The following CFAP74 variants were observed in gnomAD, a reference collection of about 807,000 sequenced individuals.
CFAP74 encodes the protein cilia and flagella associated protein 74, also known as cilia- and flagella-associated protein 74.
Under a neutral mutation model 188.9 loss-of-function variants are expected in CFAP74, and 124 were observed. The ratio of observed to expected loss-of-function variants is 0.66; its 90% CI spans 0.57 to 0.76. CFAP74 has a LOEUF of 0.76. Ranked by LOEUF, CFAP74 falls within the 30% of genes least tolerant of loss-of-function variation. The probability of loss-of-function intolerance (pLI) is 0.00; values close to 1 mark genes in which losing one functional copy is unlikely to be tolerated. For synonymous variants in CFAP74, 956 were observed against 916.7 expected (o/e 1.04, Z -0.77); for missense variants, 2,198 against 2,165.2 (o/e 1.02, Z -0.30).
At chr1:1,971,232 T>C (rs1364638356) in intron 9 of CFAP74, among the ~76,000 whole-genome samples, 2 of 141,918 alleles carry the variant, frequency 1.4e-5, no homozygotes, top group African/African-American at 5.5e-5. Flanking sequence ...CGTGCACGCC[T>C]GCACACACAT....
Position 1,924,020 on chromosome 1 carries a change from C to T in CFAP74, c.4235-91G>A, listed in dbSNP as rs1651614231. Reference sequence around the variant, plus strand: ...TGCTGCATAGAGCTCTACACCCTGCCCGCCCCCCTGCAGAGCCCCTGTCCT... The same window carrying T: ...TGCTGCATAGAGCTCTACACCCTGCTCGCCCCCCTGCAGAGCCCCTGTCCT... On this transcript the variant is annotated intron_variant, in intron 34 of 38. Coordinates refer to ENST00000682832, the MANE Select transcript of CFAP74 (RefSeq NM_001304360.2). 8.9e-6 allele frequency: 12 copies of T among 1,346,008 alleles called. No homozygotes were observed. In the South Asian group the frequency reaches 1.1e-4, roughly 13 times the overall value. 83.4% of individuals were successfully genotyped at this position (1,346,008 alleles called of 1,614,324 possible).
intron 1 of CFAP74, among the ~76,000 whole-genome samples, chr1:1,995,829 AC>A (rs1657888273): frequency 6.6e-6 from 1 of 151,508 alleles, no homozygotes; most frequent in South Asian, 2.1e-4. Flanking sequence ...AATGGCATGA[AC>A]CCGGGAGGCG....
At chr1:1,992,235 G>GT (rs1224206752) in intron 1 of CFAP74, among the ~76,000 whole-genome samples, 3 of 152,050 alleles carry the variant, frequency 2.0e-5, no homozygotes, top group African/African-American at 7.2e-5. Context: ...CACAATCACA[G>GT]TTTACTACAG....
chr1:1,950,000 A>C (rs1327271061), intron 18 of CFAP74, among the ~76,000 whole-genome samples: 1 of 151,844 alleles, frequency 6.6e-6, no homozygotes, highest in Non-Finnish European at 1.5e-5. Context: ...TTTTTGCGGG[A>C]ATTTAAGTTT....
chr1:1,968,818 C>T lies in CFAP74; in HGVS notation c.1062G>A (p.Glu354=). 6.2e-7 allele frequency: 1 copy of T among 1,614,018 alleles called. No individual in the cohort carries two copies. The highest frequency in any genetic ancestry group is 8.5e-7 in the Non-Finnish European group (1 of 1,179,934). The part of the protein sequence containing the change: ...LEAQKRAFEE[E]QKLRKQEIIS... Reference sequence around the variant, plus strand: ...TGATCTCCTGCTTTCTGAGCTTCTGCTCCTCCTCAAAGGCCCTGCGTGGAG... The same window carrying T: ...TGATCTCCTGCTTTCTGAGCTTCTGTTCCTCCTCAAAGGCCCTGCGTGGAG... Residue 354 remains glutamate, a synonymous_variant, in exon 11 of 39, where the codon GAG becomes GAA. Transcript: ENST00000682832. This position sits in a 1 kb window ranked among gnomAD's most constrained non-coding sequence, Gnocchi z 4.3.
chr1:1,964,888 C>A lies in CFAP74; in HGVS notation c.1575G>T (p.Gln525His), dbSNP rs1191732571. The A allele has an allele frequency of 3.1e-6, 5 of 1,613,468 alleles. No individual in the cohort carries two copies. In the South Asian group the frequency reaches 5.5e-5, roughly 18 times the overall value. Residue 525 changes from glutamine to histidine, a missense_variant and splice_region_variant, in exon 13 of 39, where the codon CAG becomes CAT. Physicochemically the swap from Gln to His is conservative, Grantham distance 24. Transcript: ENST00000682832. ...GTTCCTGGCCCAGCTGCGGGCTCAC[C>A]TGGAAGTGGAGGAGCTCCGGTTTGC... ...FNSKPELLHFQDFDIGKVYKK... is the reference protein window; with the variant it reads ...FNSKPELLHFHDFDIGKVYKK...
intron 18 of CFAP74, among the ~76,000 whole-genome samples, chr1:1,952,991 T>G (rs1464652136): frequency 6.6e-6 from 1 of 152,144 alleles, no homozygotes; most frequent in Non-Finnish European, 1.5e-5. Flanking sequence ...CTCCCCAAAT[T>G]GATCTATAGA....
chr1:1,988,738 G>A, intron 3 of CFAP74, 83 bp from the exon 4 acceptor site: 3 of 1,549,616 alleles, frequency 1.9e-6, no homozygotes, highest in South Asian at 1.1e-5. Context: ...CGGGGTAGGT[G>A]CCTGACAGTT....
In CFAP74 at chr1:1,927,629, G is replaced by C. The variant is rs746675854; in HGVS notation, c.3505C>G (p.Arg1169Gly). Reference sequence around the variant, plus strand: ...CACCTGGGCCTCAGCTCCCGCTTCCGCATCTCCAGGACGTGGGGGACAGAG... The same window carrying C: ...CACCTGGGCCTCAGCTCCCGCTTCCCCATCTCCAGGACGTGGGGGACAGAG... ...KVSVPHVLEM[R>G]KRELRPSSDE... The change falls in exon 28 of 39, where the codon CGG becomes GGG. Residue 1169 changes from arginine to glycine, a missense_variant. By Grantham distance (125) the Arg-to-Gly change is moderately radical. Coordinates refer to ENST00000682832, the MANE Select transcript of CFAP74 (RefSeq NM_001304360.2). 7.7e-6 allele frequency: 12 copies of C among 1,550,012 alleles called. No homozygotes were observed. In the South Asian group the frequency reaches 1.4e-4, roughly 18 times the overall value.
rs747534976 is a variant in CFAP74 at position 1,956,804 on chromosome 1, G to A, written c.1852-20C>T. ...GGACAGCTGCCAGAGGACATGGAGT[G>A]AACTCAGGGCCACCGTGCCAGGCCC... On this transcript the variant is annotated intron_variant, in intron 16 of 38. Coordinates refer to ENST00000682832, the MANE Select transcript of CFAP74 (RefSeq NM_001304360.2). The A allele has an allele frequency of 1.2e-6, 2 of 1,608,336 alleles. No homozygotes were observed. The highest frequency in any genetic ancestry group is 3.4e-5 in the Admixed American group (2 of 59,428).
At chr1:1,932,780 G>A (rs528311472) in intron 25 of CFAP74, among the ~76,000 whole-genome samples, 78 of 151,700 alleles carry the variant, frequency 5.1e-4, no homozygotes, top group African/African-American at 1.3e-3. Flanking sequence ...TTTTAGTAGC[G>A]ATGGTGTTTC....
chr1:1,934,390 G>C (rs1270345939), intron 25 of CFAP74, among the ~76,000 whole-genome samples: 1 of 141,944 alleles, frequency 7.0e-6, no homozygotes, highest in Non-Finnish European at 1.6e-5. Flanking sequence ...GTACGTGTGT[G>C]TTAGGTTGTA....
Position 1,930,045 on chromosome 1 carries a change from G to A in CFAP74, c.3288+15C>T, listed in dbSNP as rs1277925394. On this transcript the variant is annotated intron_variant, in intron 26 of 38. Coordinates refer to ENST00000682832, the MANE Select transcript of CFAP74 (RefSeq NM_001304360.2). ...AGCTCCTGCTTCCCAGCCTGCATGT[G>A]GGGCCCACACCCACCTTTCCTGGCC... 1 of 1,496,818 alleles carries A rather than the reference G, an allele frequency of 6.7e-7. No homozygotes were observed. 92.7% of individuals were successfully genotyped at this position (1,496,818 alleles called of 1,614,324 possible).
rs1264402707 is a variant in CFAP74, at chr1:1,922,405, G to A, written c.4819-17C>T. 2 of 1,596,776 alleles carry A rather than the reference G, an allele frequency of 1.3e-6. No homozygotes were observed. Among genetic ancestry groups the A allele is most frequent in the South Asian group, 1.1e-5 (1 of 89,578 alleles). ...GTGGTCTGGCTGGAACAGGAGGGGA[G>A]GGGAGAAGAGGCCTTCAGTCAGTGG... On this transcript the variant is annotated splice_polypyrimidine_tract_variant and intron_variant, in intron 38 of 38. Coordinates refer to ENST00000682832, the MANE Select transcript of CFAP74 (RefSeq NM_001304360.2).
intron 8 of CFAP74, 72 bp downstream of exon 8, chr1:1,972,865 G>A (rs758219896): frequency 6.3e-6 from 6 of 959,942 alleles, no homozygotes; most frequent in Non-Finnish European, 8.3e-6. Flanking sequence ...ATAAAATCAG[G>A]GCATTTCAAG....
chr1:1,942,357 G>A lies in CFAP74; in HGVS notation c.2487-201C>T, dbSNP rs1021483518. On this transcript the variant is annotated intron_variant, in intron 21 of 38. Transcript: ENST00000682832. This position sits in a 1 kb window ranked among gnomAD's most constrained non-coding sequence, Gnocchi z 4.3. ...TTGTAAGGGCTGTTTTTTCTGAAATGAAATCTGATGAAGAATTCTTAAAAA... is the reference window on the plus strand; with the variant it reads ...TTGTAAGGGCTGTTTTTTCTGAAATAAAATCTGATGAAGAATTCTTAAAAA... Among the ~76,000 whole-genome samples, 2 of 152,180 alleles carry A rather than the reference G, an allele frequency of 1.3e-5. No homozygotes were observed. Among genetic ancestry groups the A allele is most frequent in the Non-Finnish European group, 2.9e-5 (2 of 68,038 alleles).
intron 1 of CFAP74, among the ~76,000 whole-genome samples, chr1:1,991,290 A>G (rs1346182717): frequency 6.6e-6 from 1 of 152,204 alleles, no homozygotes; most frequent in East Asian, 1.9e-4. Context: ...AGCCTGGCCA[A>G]CGTGGTGAGG....
rs535301916 is a variant in CFAP74, at chr1:1,978,963, T to C, written c.501-4765A>G. Among the ~76,000 whole-genome samples the C allele has an allele frequency of 3.6e-3, 552 of 151,654 alleles. 2 individuals carry two copies. Among genetic ancestry groups the C allele is most frequent in the African/African-American group, 0.013 (526 of 41,204 alleles). The stretch of plus-strand genomic sequence containing the variant: ...GCTGCACAGAACACGTGTGTCGTGC[T>C]GAGCTGGGCGTGGGAAGGCGTCACG... On this transcript the variant is annotated intron_variant, in intron 6 of 38. Coordinates refer to ENST00000682832, the MANE Select transcript of CFAP74 (RefSeq NM_001304360.2).
Position 1,973,106 on chromosome 1 carries a change from A to G in CFAP74, c.675-59T>C. On this transcript the variant is annotated intron_variant, in intron 7 of 38. Coordinates refer to ENST00000682832, the MANE Select transcript of CFAP74 (RefSeq NM_001304360.2). The surrounding 1 kb of genome is among the most constrained non-coding windows in gnomAD (Gnocchi z 6.2). ...GGCATCACACGTCCCATCTGCCCCC[A>G]AGCCCTGCACGGCTGGAGCTCGTGT... The G allele has an allele frequency of 7.8e-7, 1 of 1,277,220 alleles. No homozygotes were observed. Among genetic ancestry groups the G allele is most frequent in the East Asian group, 2.4e-5 (1 of 40,934 alleles). The allele number at this position is 1,277,220 out of a possible 1,614,324, so 79.1% of individuals were successfully genotyped here. A position where few individuals can be genotyped will look rare whatever the true frequency, so the allele number is the denominator to read the frequency against.
Sources: allele counts gnomAD v4.1 joint callset (sites outside exome capture counted in the v4.1 genomes callset), GRCh38; gene constraint gnomAD v4.1.1; non-coding constraint Gnocchi (gnomAD v3.1); transcripts MANE v1.5; gene names NCBI Gene and HGNC (gene_info 2026-07-23, HGNC 2026-07-21).